PLEKHA7: variants seen among roughly 807,000 people sequenced by gnomAD.
The protein encoded by PLEKHA7 is pleckstrin homology domain containing A7.
In PLEKHA7, 104 loss-of-function variants were observed where a neutral mutation model predicts 170.0. The ratio of observed to expected loss-of-function variants is 0.61; its 90% CI spans 0.52 to 0.72. The LOEUF is 0.72. Among genes scored for constraint, PLEKHA7 ranks in the 30% least tolerant of loss-of-function variants. The pLI, the probability that PLEKHA7 is intolerant of heterozygous loss-of-function variation, is 0.00. For synonymous variants in PLEKHA7, 648 were observed against 660.8 expected (o/e 0.98, Z 0.30); for missense variants, 1,615 against 1,671.7 (o/e 0.97, Z 0.59).
intron 3 of PLEKHA7, among the ~76,000 whole-genome samples, chr11:16,913,907 T>C (rs1012272777): frequency 6.6e-6 from 1 of 152,236 alleles, no homozygotes; most frequent in South Asian, 2.1e-4. Flanking sequence ...TATTCTTTGA[T>C]CTAGGAATCC....
intron 3 of PLEKHA7, among the ~76,000 whole-genome samples, chr11:16,980,054 AG>A (rs1290106662): frequency 6.6e-6 from 1 of 152,226 alleles, no homozygotes; most frequent in Non-Finnish European, 1.5e-5. Context: ...CAACAGCCAC[AG>A]GAAGTGCAAG....
At chr11:16,782,952 G>A in intron 25 of PLEKHA7, 56 bp from the exon 26 acceptor site, 1 of 1,510,616 alleles carries the variant, frequency 6.6e-7, no homozygotes, top group Admixed American at 2.0e-5. Flanking sequence ...AGCAGCCTCA[G>A]GAGTGGAGGG....
chr11:16,850,516 A>G (rs1472860903), intron 8 of PLEKHA7, among the ~76,000 whole-genome samples: 1 of 152,180 alleles, frequency 6.6e-6, no homozygotes, highest in Non-Finnish European at 1.5e-5. Flanking sequence ...ACCAATGGAG[A>G]AGACCTCAGG....
intron 3 of PLEKHA7, among the ~76,000 whole-genome samples, chr11:16,993,529 T>C (rs796105495): frequency 7.2e-5 from 11 of 152,282 alleles, no homozygotes; most frequent in South Asian, 6.2e-4. Context: ...CAGTAGGCAC[T>C]AGATAAATGG....
At chr11:16,927,625 G>T (rs1016733452) in intron 3 of PLEKHA7, among the ~76,000 whole-genome samples, 11 of 152,216 alleles carry the variant, frequency 7.2e-5, no homozygotes, top group Non-Finnish European at 1.3e-4. Context: ...ATAACTTCCA[G>T]TAATGTTGGC....
intron 3 of PLEKHA7, among the ~76,000 whole-genome samples, chr11:16,992,558 C>A (rs916807783): frequency 6.6e-6 from 1 of 152,114 alleles, no homozygotes; most frequent in Non-Finnish European, 1.5e-5. Context: ...CAGTTCGAGA[C>A]CAGCCTGGCC....
chr11:16,892,432 G>T lies in PLEKHA7; in HGVS notation c.222-21250C>A, dbSNP rs201103219. Among the ~76,000 whole-genome samples the T allele has an allele frequency of 3.3e-3, 379 of 115,016 alleles. 2 individuals carry two copies. The highest frequency in any genetic ancestry group is 5.2e-3 in the Non-Finnish European group (291 of 56,016). 75.5% of individuals were successfully genotyped at this position (115,016 alleles called of 152,430 possible). A position where few individuals can be genotyped will look rare whatever the true frequency, so the allele number is the denominator to read the frequency against. On this transcript the variant is annotated intron_variant, in intron 3 of 26. Transcript: ENST00000531066. ...TGTGTGTGTGTGTGTGTGTGTGTGT[G>T]TGTTTTGTTTTGTTTTGTTTTGTTT...
At chr11:16,957,596 T>C (rs979242971) in intron 3 of PLEKHA7, among the ~76,000 whole-genome samples, 2 of 152,112 alleles carry the variant, frequency 1.3e-5, no homozygotes, top group Non-Finnish European at 2.9e-5. Flanking sequence ...TAGACAGAGA[T>C]GATGGTTGTA....
At chr11:16,838,812 G>A (rs1851733671) in intron 9 of PLEKHA7, among the ~76,000 whole-genome samples, 2 of 144,282 alleles carry the variant, frequency 1.4e-5, no homozygotes, top group Admixed American at 7.4e-5. Flanking sequence ...TCAGCCTCCC[G>A]AGTAGCTGGG....
At chr11:16,881,154 T>C (rs1590445467) in intron 3 of PLEKHA7, 2 of 152,200 alleles carry the variant, frequency 1.3e-5, no homozygotes, top group South Asian at 4.1e-4. Flanking sequence ...CATCGAAAAC[T>C]CCCTTTCTCT....
chr11:16,878,662 C>T (rs144018762), intron 3 of PLEKHA7, among the ~76,000 whole-genome samples: 9 of 152,298 alleles, frequency 5.9e-5, no homozygotes, highest in African/African-American at 1.2e-4. Context: ...GTGGCACAAT[C>T]GCAGCTCACT....
chr11:16,887,364 TC>T (rs1856202749), intron 3 of PLEKHA7, among the ~76,000 whole-genome samples: 1 of 150,840 alleles, frequency 6.6e-6, no homozygotes, highest in East Asian at 2.0e-4. Context: ...GGTCTGCCTC[TC>T]CCTCTCCCCA....
chr11:16,941,178 C>G (rs1022000615), intron 3 of PLEKHA7, among the ~76,000 whole-genome samples: 1 of 152,072 alleles, frequency 6.6e-6, no homozygotes, highest in Non-Finnish European at 1.5e-5. Flanking sequence ...GGTACCCCTC[C>G]CTAGGGTGTC....
intron 3 of PLEKHA7, among the ~76,000 whole-genome samples, chr11:17,001,031 A>G (rs1282478157): frequency 4.6e-5 from 7 of 151,980 alleles, no homozygotes; most frequent in African/African-American, 1.7e-4. Context: ...CATGGCCCTC[A>G]CCCCTAATCC....
chr11:16,924,847 G>C (rs375487215), intron 3 of PLEKHA7, among the ~76,000 whole-genome samples: 1 of 152,172 alleles, frequency 6.6e-6, no homozygotes, highest in African/African-American at 2.4e-5. Context: ...GGAGCTTGCC[G>C]GCGTTGCCAT....
intron 3 of PLEKHA7, among the ~76,000 whole-genome samples, chr11:17,004,767 G>T (rs186690121): frequency 6.6e-6 from 1 of 152,216 alleles, no homozygotes; most frequent in East Asian, 1.9e-4. Flanking sequence ...CAATAATTAT[G>T]GGACAAACCA....
intron 9 of PLEKHA7, among the ~76,000 whole-genome samples, chr11:16,834,763 G>T (rs1851377279): frequency 6.6e-6 from 1 of 152,106 alleles, no homozygotes; most frequent in African/African-American, 2.4e-5. Context: ...ATTTCAAAAA[G>T]GTTGTTGAGA....
chr11:17,013,935 GA>G, intron 3 of PLEKHA7, 53 bp downstream of exon 3: 1 of 1,431,308 alleles, frequency 7.0e-7, no homozygotes, highest in Non-Finnish European at 9.1e-7. Context: ...CGGGAACGGG[GA>G]GGGACCCCCC....
At chr11:16,911,441 G>C (rs995050765) in intron 3 of PLEKHA7, among the ~76,000 whole-genome samples, 1 of 152,094 alleles carries the variant, frequency 6.6e-6, no homozygotes, top group African/African-American at 2.4e-5. Context: ...TCGGAGAAGG[G>C]GTAAGACTCA....
Sources: gnomAD v4.1 joint callset for allele counts (sites outside exome capture counted in the v4.1 genomes callset) on GRCh38, gnomAD v4.1.1 for gene constraint, MANE v1.5 for transcripts, NCBI Gene and HGNC (gene_info 2026-07-23, HGNC 2026-07-21) for gene names.